The following SGCZ variants were observed in gnomAD, a reference collection of about 807,000 sequenced individuals.
SGCZ encodes sarcoglycan zeta.
In SGCZ, 40 loss-of-function variants were observed where a neutral mutation model predicts 41.3. That is an observed-to-expected ratio of 0.97 (90% CI 0.75 to 1.26). The LOEUF is 1.26. Ranked by LOEUF, SGCZ falls within the 50% of genes most tolerant of loss-of-function variation. The pLI is 0.00. For missense variants in SGCZ, 552 were observed against 369.8 expected (o/e 1.49, Z -4.04); for synonymous variants, 206 against 137.5 (o/e 1.50, Z -3.49).
intron 1 of SGCZ, among the ~76,000 whole-genome samples, chr8:14,614,971 C>G (rs1433555925): frequency 6.8e-6 from 1 of 147,614 alleles, no homozygotes; most frequent in African/African-American, 2.5e-5. Flanking sequence ...TATATATACA[C>G]ATGTACACAC....
chr8:14,442,634 G>C (rs995511164), intron 2 of SGCZ, among the ~76,000 whole-genome samples: 1 of 152,136 alleles, frequency 6.6e-6, no homozygotes, highest in African/African-American at 2.4e-5. Context: ...CTTATATAGA[G>C]TTGATACTTT....
intron 1 of SGCZ, among the ~76,000 whole-genome samples, chr8:14,674,970 C>G (rs73202814): frequency 0.23 from 27,896 of 121,178 alleles, 3,788 homozygotes; most frequent in East Asian, 0.47. Flanking sequence ...ATGGAGTCTC[C>G]CTCTGTCGTC....
chr8:14,362,415 C>T (rs1052999972), intron 2 of SGCZ, among the ~76,000 whole-genome samples: 2 of 152,204 alleles, frequency 1.3e-5, no homozygotes, highest in African/African-American at 2.4e-5. Context: ...GACGCCCCAA[C>T]GCCAGCCAAG....
intron 1 of SGCZ, among the ~76,000 whole-genome samples, chr8:14,747,933 C>A (rs923293839): frequency 6.8e-6 from 1 of 146,980 alleles, no homozygotes; most frequent in African/African-American, 2.5e-5. Flanking sequence ...GCCATGTTGG[C>A]CAGGCTAGTC....
intron 4 of SGCZ, among the ~76,000 whole-genome samples, chr8:14,189,569 G>T (rs1805024703): frequency 6.6e-6 from 1 of 152,046 alleles, no homozygotes; most frequent in African/African-American, 2.4e-5. Context: ...CGTGTGCTTT[G>T]CTCATTGTTT....
chr8:14,104,943 C>T (rs1802155915), intron 6 of SGCZ, among the ~76,000 whole-genome samples: 1 of 151,378 alleles, frequency 6.6e-6, no homozygotes, highest in Admixed American at 6.6e-5. Flanking sequence ...ATCTCAGATC[C>T]AAAAAAAATC....
rs117495231 is a variant in SGCZ at position 14,340,521 on chromosome 8, T to C, written c.235-16317A>G. Among the ~76,000 whole-genome samples the C allele has an allele frequency of 4.6e-5, 7 of 152,292 alleles. No individual in the cohort carries two copies. The East Asian group carries it at 1.4e-3, about 29-fold the overall frequency. On this transcript the variant is annotated intron_variant, in intron 2 of 7. Coordinates refer to ENST00000382080, the MANE Select transcript of SGCZ (RefSeq NM_139167.4). ...CTTATTTTAATAAGGGAAGAGATAA[T>C]GTCTTCCTTGTCTTTTTATCTCCAG...
chr8:14,117,408 C>CTGTGTG (rs57595662), intron 5 of SGCZ, among the ~76,000 whole-genome samples: 9,826 of 131,370 alleles, frequency 0.075, 427 homozygotes, highest in South Asian at 0.094. Context: ...ATGCACACAT[C>CTGTGTG]TGTGTGTGTG....
chr8:14,878,122 C>T (rs1338591531), intron 1 of SGCZ, among the ~76,000 whole-genome samples: 1 of 151,812 alleles, frequency 6.6e-6, no homozygotes. Context: ...TGAGAAAGAA[C>T]TTTAAGCACT....
chr8:14,512,397 T>C (rs1017860642), intron 2 of SGCZ, among the ~76,000 whole-genome samples: 3 of 152,164 alleles, frequency 2.0e-5, no homozygotes, highest in African/African-American at 7.2e-5. Context: ...CCATTGGTAT[T>C]TTTCCTCTTC....
chr8:14,243,744 C>A (rs1052223720), intron 3 of SGCZ, among the ~76,000 whole-genome samples: 3 of 152,112 alleles, frequency 2.0e-5, no homozygotes, highest in East Asian at 1.9e-4. Context: ...AGACATTTTT[C>A]CAGTCCAAGT....
chr8:14,907,318 A>G (rs141676708), intron 1 of SGCZ, among the ~76,000 whole-genome samples: 12 of 151,970 alleles, frequency 7.9e-5, no homozygotes, highest in Admixed American at 1.3e-4. Flanking sequence ...CCTCAGCCTC[A>G]TGAGTAGCTG....
intron 5 of SGCZ, among the ~76,000 whole-genome samples, chr8:14,132,555 G>C (rs192655832): frequency 9.9e-5 from 15 of 152,098 alleles, no homozygotes; most frequent in Admixed American, 2.6e-4. Flanking sequence ...TTCTTATTTT[G>C]TTTATACATT....
In SGCZ at chr8:14,563,139, T is replaced by C. The variant is rs1804257636; in HGVS notation, c.40-8213A>G. ...GGGACAAGTGGTACTGAGTGTCGCCTCCTCCACAGTGTGCTTCCTCAGAGC... is the reference window on the plus strand; with the variant it reads ...GGGACAAGTGGTACTGAGTGTCGCCCCCTCCACAGTGTGCTTCCTCAGAGC... On this transcript the variant is annotated intron_variant, in intron 1 of 7. Transcript: ENST00000382080. Among the ~76,000 whole-genome samples the C allele has an allele frequency of 2.0e-5, 3 of 152,312 alleles. No homozygotes were observed. In the East Asian group the frequency reaches 5.8e-4, roughly 29 times the overall value.
At chr8:14,405,262 G>A (rs1004896514) in intron 2 of SGCZ, among the ~76,000 whole-genome samples, 1 of 152,184 alleles carries the variant, frequency 6.6e-6, no homozygotes, top group Non-Finnish European at 1.5e-5. Context: ...CAAATAAAAT[G>A]TAGTTTAATG....
chr8:14,405,748 G>A (rs909509838), intron 2 of SGCZ, among the ~76,000 whole-genome samples: 2 of 152,166 alleles, frequency 1.3e-5, no homozygotes, highest in African/African-American at 4.8e-5. Flanking sequence ...CAGCTGTGAT[G>A]TATGTCATAT....
At chr8:14,644,071 A>G (rs982647912) in intron 1 of SGCZ, among the ~76,000 whole-genome samples, 6 of 151,812 alleles carry the variant, frequency 4.0e-5, no homozygotes, top group Non-Finnish European at 8.8e-5. Flanking sequence ...AATAACTTTT[A>G]AGTATTATGA....
chr8:15,168,225 G>T (rs1487102559), intron 1 of SGCZ, among the ~76,000 whole-genome samples: 1 of 152,134 alleles, frequency 6.6e-6, no homozygotes, highest in Admixed American at 6.6e-5. Flanking sequence ...AGGAAAACTG[G>T]GTCTAAGGGA....
intron 2 of SGCZ, among the ~76,000 whole-genome samples, chr8:14,527,966 TTATC>T (rs1803005894): frequency 6.6e-6 from 1 of 152,068 alleles, no homozygotes. Context: ...ACTTGTGAGT[TTATC>T]TATCATATGA....
Sources: gnomAD v4.1 joint callset for allele counts (sites outside exome capture counted in the v4.1 genomes callset) on GRCh38, gnomAD v4.1.1 for gene constraint, MANE v1.5 for transcripts, NCBI Gene and HGNC (gene_info 2026-07-23, HGNC 2026-07-21) for gene names.